The following RASSF5 variants were observed in gnomAD, a reference collection of about 807,000 sequenced individuals.
The protein encoded by RASSF5 is Ras association domain family member 5, also known as ras association domain-containing protein 5.
Under a neutral mutation model 40.5 loss-of-function variants are expected in RASSF5, and 25 were observed. The observed-to-expected ratio is 0.62, with a 90% CI of 0.45 to 0.86. The LOEUF is 0.86. Among genes scored for constraint, RASSF5 ranks in the 40% least tolerant of loss-of-function variants. RASSF5 has a pLI of 0.00. For synonymous variants in RASSF5, 246 were observed against 252.4 expected, an observed-to-expected ratio of 0.97 and a Z score of 0.24; for missense variants, 521 against 572.8, an observed-to-expected ratio of 0.91 and a Z score of 0.92.
At chr1:206,533,852 T>A (rs1667311546) in intron 1 of RASSF5, among the ~76,000 whole-genome samples, 1 of 152,190 alleles carries the variant, frequency 6.6e-6, no homozygotes, top group African/African-American at 2.4e-5. Flanking sequence ...GAGGTCGCAC[T>A]GGAGTAGGAT....
At chr1:206,544,330 T>A (rs7532705) in intron 2 of RASSF5, 1 of 152,146 alleles carries the variant, frequency 6.6e-6, no homozygotes, top group African/African-American at 2.4e-5. Flanking sequence ...TCTAACAGTC[T>A]TGCTAGATGT....
chr1:206,585,885 G>A (rs1669092834), intron 5 of RASSF5: 1 of 152,378 alleles, frequency 6.6e-6, no homozygotes, highest in South Asian at 2.1e-4. Flanking sequence ...GGAGATTTAG[G>A]GATCAAGGCA....
In RASSF5 at chr1:206,584,969, T is replaced by C; in HGVS notation, c.989-211T>C. ...CCATTCCTAATCTTTCAGGAGATGATGTGAATGGAATCATGCTTTAAACTC... is the reference window on the plus strand; with the variant it reads ...CCATTCCTAATCTTTCAGGAGATGACGTGAATGGAATCATGCTTTAAACTC... On this transcript the variant is annotated intron_variant, in intron 4 of 5. Transcript: ENST00000579436. This position sits in a 1 kb window ranked among gnomAD's most constrained non-coding sequence, Gnocchi z 4.9. 1 of 607,138 alleles carries C rather than the reference T, an allele frequency of 1.6e-6. No individual in the cohort carries two copies. Among genetic ancestry groups the C allele is most frequent in the Non-Finnish European group, 2.9e-6 (1 of 342,466 alleles). The allele number at this position is 607,138 out of a possible 1,614,324, so 37.6% of individuals were successfully genotyped here.
chr1:206,516,526 G>A (rs1408446946), intron 1 of RASSF5, among the ~76,000 whole-genome samples: 1 of 151,876 alleles, frequency 6.6e-6, no homozygotes, highest in Non-Finnish European at 1.5e-5. Context: ...GTGCAATCTC[G>A]GCTGACCGCA....
At chr1:206,534,054 C>T (rs1667318320) in intron 1 of RASSF5, among the ~76,000 whole-genome samples, 1 of 152,224 alleles carries the variant, frequency 6.6e-6, no homozygotes. Context: ...CCAGCCAACA[C>T]TTGATTTCAA....
chr1:206,553,036 T>C (rs1236719100), intron 2 of RASSF5, among the ~76,000 whole-genome samples: 1 of 152,062 alleles, frequency 6.6e-6, no homozygotes, highest in Non-Finnish European at 1.5e-5. Flanking sequence ...ACCCTGTCTC[T>C]ACTAAAATAC....
In RASSF5 at chr1:206,584,818, G is replaced by A. The variant is rs943726754; in HGVS notation, c.988+134G>A. The A allele has an allele frequency of 3.2e-6, 3 of 938,846 alleles. No homozygotes were observed. The highest frequency in any genetic ancestry group is 4.8e-6 in the Non-Finnish European group (3 of 619,882). 58.2% of individuals were successfully genotyped at this position (938,846 alleles called of 1,614,324 possible). A position where few individuals can be genotyped will look rare whatever the true frequency, so the allele number is the denominator to read the frequency against. On this transcript the variant is annotated intron_variant, in intron 4 of 5. Coordinates refer to ENST00000579436, the MANE Select transcript of RASSF5 (RefSeq NM_182663.4). The surrounding 1 kb of genome is among the most constrained non-coding windows in gnomAD (Gnocchi z 4.9). ...CACCAGGGGTCCAGCTGCCCATGTG[G>A]TGTTCAGATCTGTGGAATCCGGGCA...
At chr1:206,585,057 A>C in intron 4 of RASSF5, 123 bp from the exon 5 acceptor site, 1 of 710,824 alleles carries the variant, frequency 1.4e-6, no homozygotes, top group Non-Finnish European at 2.5e-6. Flanking sequence ...CATTTCATTA[A>C]AAGGCCCGTG....
At chr1:206,571,229 T>C (rs1308073740) in intron 2 of RASSF5, 1 of 152,186 alleles carries the variant, frequency 6.6e-6, no homozygotes, top group East Asian at 1.9e-4. Context: ...AGATCATATA[T>C]AGATCTTCTT....
At chr1:206,529,142 G>A (rs1667170626) in intron 1 of RASSF5, 4 of 1,513,016 alleles carry the variant, frequency 2.6e-6, no homozygotes, top group Non-Finnish European at 3.6e-6. Context: ...TGCCTCCTGC[G>A]ATTAACCAGT....
intron 2 of RASSF5, chr1:206,542,970 G>C (rs1667582031): frequency 6.6e-6 from 1 of 152,210 alleles, no homozygotes; most frequent in African/African-American, 2.4e-5. Flanking sequence ...TCAGCACTTT[G>C]TGAGGTCAAG....
At chr1:206,521,421 C>T (rs557449036) in intron 1 of RASSF5, among the ~76,000 whole-genome samples, 9 of 152,312 alleles carry the variant, frequency 5.9e-5, no homozygotes, top group Admixed American at 5.9e-4. Flanking sequence ...CCTGGTTGTC[C>T]CATGATAGAC....
intron 2 of RASSF5, among the ~76,000 whole-genome samples, chr1:206,548,052 T>C (rs1667741239): frequency 6.6e-6 from 1 of 152,204 alleles, no homozygotes; most frequent in Non-Finnish European, 1.5e-5. Flanking sequence ...GGTTGGCACT[T>C]TTTTTCTTTC....
chr1:206,521,991 T>G (rs868954145), intron 1 of RASSF5, among the ~76,000 whole-genome samples: 1 of 152,230 alleles, frequency 6.6e-6, no homozygotes, highest in African/African-American at 2.4e-5. Context: ...TGCTATTTGT[T>G]GAGTTCCCTT....
At chr1:206,586,758 A>AGGTCGTGTCAACTT (rs1419336660) in intron 5 of RASSF5, 68 bp from the exon 6 acceptor site, 1 of 1,229,134 alleles carries the variant, frequency 8.1e-7, no homozygotes, top group Non-Finnish European at 1.2e-6. Flanking sequence ...AGGGTCTCTC[A>AGGTCGTGTCAACTT]GGTCGTGTCA....
chr1:206,546,014 G>A (rs1162303660), intron 2 of RASSF5, among the ~76,000 whole-genome samples: 2 of 143,432 alleles, frequency 1.4e-5, no homozygotes, highest in Admixed American at 7.0e-5. Context: ...GCAGTGGCGC[G>A]ATCTCGGCTC....
At chr1:206,563,758 A>G (rs1553403004) in intron 2 of RASSF5, among the ~76,000 whole-genome samples, 1 of 152,222 alleles carries the variant, frequency 6.6e-6, no homozygotes, top group Non-Finnish European at 1.5e-5. Context: ...ATGCAAGAAG[A>G]GAATGTGTCA....
In RASSF5 at chr1:206,507,573, C is replaced by G; in HGVS notation, c.-30C>G. 1 of 1,459,284 alleles carries G rather than the reference C, an allele frequency of 6.9e-7. No homozygotes were observed. The highest frequency in any genetic ancestry group is 9.0e-7 in the Non-Finnish European group (1 of 1,110,916). 90.4% of individuals were successfully genotyped at this position (1,459,284 alleles called of 1,614,324 possible). A position where few individuals can be genotyped will look rare whatever the true frequency, so the allele number is the denominator to read the frequency against. ...GGAGTAGCGCAGTCGCCAAAGCCGC[C>G]GCTGCCAAAGCTGCCGCCACTAGCC... On this transcript the variant is annotated 5_prime_UTR_variant, in exon 1 of 6. Transcript: ENST00000579436.
chr1:206,573,146 C>A (rs1668508860), intron 2 of RASSF5, among the ~76,000 whole-genome samples: 1 of 152,212 alleles, frequency 6.6e-6, no homozygotes, highest in African/African-American at 2.4e-5. Flanking sequence ...ATCTTCACAA[C>A]AAATGTATAA....
Sources: allele counts gnomAD v4.1 joint callset (sites outside exome capture counted in the v4.1 genomes callset), GRCh38; gene constraint gnomAD v4.1.1; non-coding constraint Gnocchi (gnomAD v3.1); transcripts MANE v1.5; gene names NCBI Gene and HGNC (gene_info 2026-07-23, HGNC 2026-07-21).